CDH4: variants seen among roughly 807,000 people sequenced by gnomAD.
The protein encoded by CDH4 is cadherin 4.
Under a neutral mutation model 86.0 loss-of-function variants are expected in CDH4, and 33 were observed. The observed-to-expected ratio is 0.38, with a 90% CI of 0.29 to 0.51. The LOEUF is 0.51. CDH4 is among the 20% of genes least tolerant of loss of function. The probability of loss-of-function intolerance (pLI) is 0.86; values close to 1 mark genes in which losing one functional copy is unlikely to be tolerated. For missense variants in CDH4, 1,114 were observed against 1,307.4 expected (o/e 0.85, Z 2.28); for synonymous variants, 555 against 549.4 (o/e 1.01, Z -0.14).
intron 2 of CDH4, among the ~76,000 whole-genome samples, chr20:61,531,543 A>G (rs2085953989): frequency 6.6e-6 from 1 of 152,176 alleles, no homozygotes; most frequent in Non-Finnish European, 1.5e-5. Flanking sequence ...GGTGGAATGA[A>G]TTAATATGAA....
rs533241221 is a variant in CDH4, at chr20:61,811,788, C to T, written c.577-32880C>T. ...CCGGGTTCAAGCAATTCTCCTGCCT[C>T]AGCCTCCCATGTAGCTGGTACTACA... On this transcript the variant is annotated intron_variant, in intron 4 of 15. Transcript: ENST00000614565. This position sits in a 1 kb window ranked among gnomAD's most constrained non-coding sequence, Gnocchi z 4.4. Among the ~76,000 whole-genome samples, 2 of 151,978 alleles carry T rather than the reference C, an allele frequency of 1.3e-5. No individual in the cohort carries two copies. The highest frequency in any genetic ancestry group is 1.9e-4 in the East Asian group (1 of 5,130).
intron 2 of CDH4, among the ~76,000 whole-genome samples, chr20:61,485,457 C>T (rs1041718041): frequency 2.6e-5 from 4 of 152,198 alleles, no homozygotes; most frequent in African/African-American, 7.2e-5. Flanking sequence ...TTCACTCTGC[C>T]AGGGTGGTGT....
At chr20:61,352,007 G>A (rs564890427) in intron 2 of CDH4, among the ~76,000 whole-genome samples, 3 of 152,056 alleles carry the variant, frequency 2.0e-5, no homozygotes, top group South Asian at 4.1e-4. Context: ...GTGAGCCACC[G>A]CACCCGGCCT....
At chr20:61,637,214 G>T (rs1489861773) in intron 2 of CDH4, among the ~76,000 whole-genome samples, 7 of 152,226 alleles carry the variant, frequency 4.6e-5, no homozygotes, top group Non-Finnish European at 1.0e-4. Context: ...TCCCAGGAAA[G>T]GGGCACGAGG....
chr20:61,734,199 G>T (rs1269412046), intron 2 of CDH4, among the ~76,000 whole-genome samples: 3 of 152,238 alleles, frequency 2.0e-5, no homozygotes, highest in Non-Finnish European at 2.9e-5. Context: ...ACTGGGGGCT[G>T]GGGGGAGATG....
chr20:61,776,867 G>T (rs2088848635), intron 4 of CDH4, among the ~76,000 whole-genome samples: 2 of 152,198 alleles, frequency 1.3e-5, no homozygotes, highest in Admixed American at 1.3e-4. Flanking sequence ...AATTGTAAGG[G>T]ACATGGGGAA....
chr20:61,328,238 C>G (rs188106591), intron 2 of CDH4, among the ~76,000 whole-genome samples: 1 of 152,080 alleles, frequency 6.6e-6, no homozygotes, highest in Non-Finnish European at 1.5e-5. Context: ...TGCAGTGGTG[C>G]AATCTCGGCT....
chr20:61,306,107 G>A lies in CDH4; in HGVS notation c.169+51170G>A, dbSNP rs183039994. Among the ~76,000 whole-genome samples, 4 of 152,258 alleles carry A rather than the reference G, an allele frequency of 2.6e-5. No homozygotes were observed. The East Asian group carries it at 7.7e-4, about 29-fold the overall frequency. The stretch of plus-strand genomic sequence containing the variant: ...CCATCACGCTCTTGAAAACTTTGAA[G>A]GCTTCTGTCCATCTCTTCTTCCTTG... On this transcript the variant is annotated intron_variant, in intron 2 of 15. Coordinates refer to ENST00000614565, the MANE Select transcript of CDH4 (RefSeq NM_001794.5).
intron 2 of CDH4, among the ~76,000 whole-genome samples, chr20:61,261,484 G>A (rs2084127347): frequency 6.6e-6 from 1 of 152,180 alleles, no homozygotes; most frequent in Non-Finnish European, 1.5e-5. Context: ...CCAGTCCTTG[G>A]TATACGATAT....
In CDH4 at chr20:61,919,041, C is replaced by A. The variant is rs540662953; in HGVS notation, c.1375-4410C>A. Among the ~76,000 whole-genome samples, 4 of 152,206 alleles carry A rather than the reference C, an allele frequency of 2.6e-5. No homozygotes were observed. The South Asian group carries it at 8.3e-4, about 32-fold the overall frequency. ...GTGTGCTACCACGCTCAACTAATTT[C>A]TTTTTGTTTTGTAGAGACAGCATCT... On this transcript the variant is annotated intron_variant, in intron 9 of 15. Transcript: ENST00000614565.
chr20:61,693,433 G>C (rs1181688836), intron 2 of CDH4, among the ~76,000 whole-genome samples: 1 of 152,180 alleles, frequency 6.6e-6, no homozygotes, highest in Non-Finnish European at 1.5e-5. Context: ...TTTGAGCAAA[G>C]GTAATTCTGT....
At chr20:61,353,672 C>T (rs1204032336) in intron 2 of CDH4, among the ~76,000 whole-genome samples, 9 of 21,548 alleles carry the variant, frequency 4.2e-4, no homozygotes, top group Non-Finnish European at 5.7e-4. Context: ...CTCCTCTTCC[C>T]CCTCCTCCTC....
intron 2 of CDH4, among the ~76,000 whole-genome samples, chr20:61,695,798 G>A (rs182915876): frequency 7.9e-5 from 12 of 152,290 alleles, no homozygotes; most frequent in Admixed American, 1.3e-4. Flanking sequence ...AACCTCCTTC[G>A]TCCAATCCTT....
At chr20:61,901,816 G>A (rs543454204) in intron 8 of CDH4, among the ~76,000 whole-genome samples, 3 of 152,314 alleles carry the variant, frequency 2.0e-5, no homozygotes, top group South Asian at 4.1e-4. Flanking sequence ...TCCCATTTCC[G>A]CTCATTCAGA....
chr20:61,383,414 G>C (rs1337768161), intron 2 of CDH4, among the ~76,000 whole-genome samples: 2 of 40,898 alleles, frequency 4.9e-5, no homozygotes, highest in African/African-American at 2.5e-4. Flanking sequence ...GAATATATAT[G>C]ATATATATGA....
chr20:61,910,324 T>A, intron 8 of CDH4, 98 bp from the exon 9 acceptor site: 2 of 1,065,728 alleles, frequency 1.9e-6, no homozygotes, highest in Non-Finnish European at 2.8e-6. Flanking sequence ...GTGTTCTGTT[T>A]GTGAACACTC....
intron 3 of CDH4, among the ~76,000 whole-genome samples, chr20:61,769,062 G>T (rs1185222116): frequency 2.0e-5 from 3 of 152,180 alleles, no homozygotes; most frequent in Non-Finnish European, 4.4e-5. Flanking sequence ...CAGATGCCCA[G>T]AGGGCCCCTG....
chr20:61,876,839 G>A (rs1984047107), intron 7 of CDH4, among the ~76,000 whole-genome samples: 1 of 152,202 alleles, frequency 6.6e-6, no homozygotes, highest in Admixed American at 6.5e-5. Context: ...CTGCCGGGTG[G>A]AGGGCTGGGA....
At position 61,341,723 on chromosome 20, in the gene CDH4, T is replaced by C. The variant is rs192466139; in HGVS notation, c.169+86786T>C. 4.0e-3 allele frequency among the ~76,000 whole-genome samples: 612 copies of C among 152,208 alleles called. 1 individual carries two copies. The highest frequency in any genetic ancestry group is 0.01 in the Middle Eastern group (3 of 294). Reference sequence around the variant, plus strand: ...TAGGCCGCTGAGTAATTGGAAGTGATTGGCAGAAGGTCTCATGAGCCCATC... The same window carrying C: ...TAGGCCGCTGAGTAATTGGAAGTGACTGGCAGAAGGTCTCATGAGCCCATC... On this transcript the variant is annotated intron_variant, in intron 2 of 15. Transcript: ENST00000614565.
Sources: allele counts gnomAD v4.1 joint callset (sites outside exome capture counted in the v4.1 genomes callset), GRCh38; gene constraint gnomAD v4.1.1; non-coding constraint Gnocchi (gnomAD v3.1); transcripts MANE v1.5; gene names NCBI Gene and HGNC (gene_info 2026-07-23, HGNC 2026-07-21).